LMTK2: variants seen among roughly 807,000 people sequenced by gnomAD.
LMTK2 encodes the protein lemur tail kinase 2, also known as serine/threonine-protein kinase LMTK2.
A neutral mutation model predicts 127.5 loss-of-function variants in LMTK2; 37 were observed. The ratio of observed to expected loss-of-function variants is 0.29; its 90% CI spans 0.22 to 0.38. The LOEUF (loss-of-function observed/expected upper bound fraction) is 0.38. Ranked by LOEUF, LMTK2 falls within the 10% of genes least tolerant of loss-of-function variation. The probability of loss-of-function intolerance (pLI) is 1.00; values close to 1 mark genes in which losing one functional copy is unlikely to be tolerated. For missense variants in LMTK2, 1,694 were observed against 1,920.3 expected, an observed-to-expected ratio of 0.88 and a Z score of 2.20; for synonymous variants, 819 against 810.1, an observed-to-expected ratio of 1.01 and a Z score of -0.19.
At chr7:98,159,496 A>G (rs545257004) in intron 6 of LMTK2, 71 bp downstream of exon 6, 2 of 1,005,970 alleles carry the variant, frequency 2.0e-6, no homozygotes, top group African/African-American at 1.6e-5. Context: ...ACAGATGGAC[A>G]TGCTGGATGA....
intron 7 of LMTK2, among the ~76,000 whole-genome samples, chr7:98,182,141 A>G (rs910921167): frequency 4.6e-5 from 7 of 152,246 alleles, no homozygotes; most frequent in African/African-American, 1.7e-4. Flanking sequence ...GCAAAACTAT[A>G]AAAGTCTTAG....
At chr7:98,203,781 C>G in intron 12 of LMTK2, 75 bp downstream of exon 12, 2 of 1,591,692 alleles carry the variant, frequency 1.3e-6, no homozygotes, top group South Asian at 1.1e-5. Flanking sequence ...AGGGTAACTT[C>G]CCATGTTGCT....
intron 9 of LMTK2, among the ~76,000 whole-genome samples, chr7:98,187,676 T>C (rs552348064): frequency 6.8e-6 from 1 of 147,940 alleles, no homozygotes; most frequent in South Asian, 2.2e-4. Context: ...TAGTCTCGGC[T>C]CACGGCTCAC....
chr7:98,190,638 C>T, intron 9 of LMTK2, 90 bp from the exon 10 acceptor site: 1 of 1,176,054 alleles, frequency 8.5e-7, no homozygotes, highest in Non-Finnish European at 1.3e-6. Flanking sequence ...CACACCTTGT[C>T]CTTAAAATTA....
intron 1 of LMTK2, among the ~76,000 whole-genome samples, chr7:98,122,252 G>A (rs1337640352): frequency 1.3e-5 from 2 of 151,814 alleles, no homozygotes; most frequent in African/African-American, 4.8e-5. Context: ...TGCATGTGCA[G>A]GTTTGTCACG....
intron 11 of LMTK2, among the ~76,000 whole-genome samples, chr7:98,195,809 T>G (rs1797614859): frequency 6.6e-6 from 1 of 152,354 alleles, no homozygotes; most frequent in Non-Finnish European, 1.5e-5. Context: ...TTCTGTTCAC[T>G]TTGGTTTTTA....
chr7:98,178,046 T>G (rs1322000438), intron 7 of LMTK2, among the ~76,000 whole-genome samples: 3 of 152,198 alleles, frequency 2.0e-5, no homozygotes, highest in Non-Finnish European at 2.9e-5. Context: ...CTCATCAGCT[T>G]TACCAGTATA....
rs1340492449 is a variant in LMTK2, at chr7:98,191,774, G to A, written c.1309G>A (p.Asp437Asn). 2 of 1,614,188 alleles carry A rather than the reference G, an allele frequency of 1.2e-6. No individual in the cohort carries two copies. The highest frequency in any genetic ancestry group is 1.7e-6 in the Non-Finnish European group (2 of 1,180,032). The change falls in exon 11 of 14, where the codon GAC becomes AAC. Residue 437 changes from aspartate to asparagine, a missense_variant. Coordinates refer to ENST00000297293, the MANE Select transcript of LMTK2 (RefSeq NM_014916.4). Reference protein sequence around the residue: ...NALKPNTNSRDSSNNAAFPIL... With the variant: ...NALKPNTNSRNSSNNAAFPIL... ...TCTGAAGCCGAACACAAACAGCAGA[G>A]ACTCCTCCAACAATGCTGCATTCCC...
At chr7:98,187,531 T>A (rs1358277204) in intron 9 of LMTK2, among the ~76,000 whole-genome samples, 1 of 152,180 alleles carries the variant, frequency 6.6e-6, no homozygotes, top group Non-Finnish European at 1.5e-5. Flanking sequence ...TTGCTTTTAT[T>A]ATTTTTTTCA....
Position 98,205,789 on chromosome 7 carries a change from C to T in LMTK2, c.*297C>T. ...CCGTCGGGGGAGGCAGGGGCACAGC[C>T]TCCATGTGCGCGCGCGTGTGGAGCT... On this transcript the variant is annotated 3_prime_UTR_variant, in exon 14 of 14. Transcript: ENST00000297293. The T allele has an allele frequency of 1.9e-6, 1 of 521,382 alleles. No individual in the cohort carries two copies. The highest frequency in any genetic ancestry group is 3.5e-6 in the Non-Finnish European group (1 of 286,656). The allele number at this position is 521,382 out of a possible 1,614,324, so 32.3% of individuals were successfully genotyped here. A position where few individuals can be genotyped will look rare whatever the true frequency, so the allele number is the denominator to read the frequency against.
chr7:98,160,585 ATGT>A (rs901662055), intron 6 of LMTK2, among the ~76,000 whole-genome samples: 53 of 152,088 alleles, frequency 3.5e-4, no homozygotes, highest in African/African-American at 1.1e-3. Flanking sequence ...GTGTATTCTG[ATGT>A]TGTTCCTTAA....
At chr7:98,166,133 T>C (rs1293637098) in intron 6 of LMTK2, among the ~76,000 whole-genome samples, 3 of 152,240 alleles carry the variant, frequency 2.0e-5, no homozygotes, top group Non-Finnish European at 4.4e-5. Context: ...CCTTCCGGTC[T>C]TCCCTGGTGC....
At chr7:98,145,671 T>A (rs963066284) in intron 3 of LMTK2, among the ~76,000 whole-genome samples, 1 of 152,188 alleles carries the variant, frequency 6.6e-6, no homozygotes, top group African/African-American at 2.4e-5. Context: ...GTCATTAATT[T>A]GTGTATTTCT....
At chr7:98,132,151 A>G (rs1796528652) in intron 1 of LMTK2, among the ~76,000 whole-genome samples, 1 of 152,174 alleles carries the variant, frequency 6.6e-6, no homozygotes, top group African/African-American at 2.4e-5. Flanking sequence ...ACCACAACGG[A>G]TGGAAGCCTG....
intron 6 of LMTK2, among the ~76,000 whole-genome samples, chr7:98,168,473 G>C (rs562072263): frequency 6.6e-6 from 1 of 152,196 alleles, no homozygotes; most frequent in Non-Finnish European, 1.5e-5. Context: ...GGGGTGTTGC[G>C]CTGTCTATAT....
At chr7:98,136,924 A>T (rs1012943970) in intron 1 of LMTK2, among the ~76,000 whole-genome samples, 1 of 152,248 alleles carries the variant, frequency 6.6e-6, no homozygotes, top group Non-Finnish European at 1.5e-5. Flanking sequence ...CAACGTTGGT[A>T]GTTTGGATTG....
intron 1 of LMTK2, among the ~76,000 whole-genome samples, chr7:98,110,709 T>C (rs1796189750): frequency 1.3e-5 from 2 of 152,204 alleles, no homozygotes. Context: ...CACACTTTCT[T>C]ATTAATATTA....
At chr7:98,140,004 T>C (rs955805667) in intron 2 of LMTK2, among the ~76,000 whole-genome samples, 7 of 152,122 alleles carry the variant, frequency 4.6e-5, no homozygotes, top group Non-Finnish European at 1.0e-4. Context: ...TATCAAGGTA[T>C]ACCAGTTCAC....
intron 1 of LMTK2, among the ~76,000 whole-genome samples, chr7:98,114,236 T>A (rs570431537): frequency 1.3e-5 from 2 of 150,294 alleles, no homozygotes; most frequent in Non-Finnish European, 2.9e-5. Context: ...TGTGTTTTTT[T>A]AAAGTTTTTT....
Sources: allele counts gnomAD v4.1 joint callset (sites outside exome capture counted in the v4.1 genomes callset), GRCh38; gene constraint gnomAD v4.1.1; transcripts MANE v1.5; gene names NCBI Gene and HGNC (gene_info 2026-07-23, HGNC 2026-07-21).